Variants in PRKACB observed in about 807,000 individuals in gnomAD.
The protein encoded by PRKACB is cAMP-dependent protein kinase catalytic subunit beta.
A neutral mutation model predicts 51.4 loss-of-function variants in PRKACB; 16 were observed. That is an observed-to-expected ratio of 0.31 (90% confidence interval 0.21 to 0.47). PRKACB has a LOEUF of 0.47. Ranked by LOEUF, PRKACB falls within the 20% of genes least tolerant of loss-of-function variation. The pLI, the probability that PRKACB is intolerant of heterozygous loss-of-function variation, is 1.00. For synonymous variants in PRKACB, 147 were observed against 154.4 expected (o/e 0.95, Z 0.35); for missense variants, 309 against 464.5 (o/e 0.67, Z 3.08).
At chr1:84,198,908 A>G (rs1036090639) in intron 7 of PRKACB, among the ~76,000 whole-genome samples, 11 of 142,288 alleles carry the variant, frequency 7.7e-5, no homozygotes, top group African/African-American at 1.9e-4. Context: ...ATATACACAT[A>G]TGTGTGGTGT....
At chr1:84,105,267 C>T (rs1481512840) in intron 1 of PRKACB, among the ~76,000 whole-genome samples, 1 of 152,156 alleles carries the variant, frequency 6.6e-6, no homozygotes, top group Non-Finnish European at 1.5e-5. Context: ...GGTCACTCCT[C>T]TCTTCTGGAT....
At chr1:84,107,773 A>C (rs1649896834) in intron 1 of PRKACB, among the ~76,000 whole-genome samples, 1 of 152,164 alleles carries the variant, frequency 6.6e-6, no homozygotes, top group Admixed American at 6.6e-5. Context: ...AATGCAAATC[A>C]AAACCACAAG....
At chr1:84,112,223 T>TGC (rs1353440367) in intron 1 of PRKACB, among the ~76,000 whole-genome samples, 14 of 142,738 alleles carry the variant, frequency 9.8e-5, no homozygotes, top group African/African-American at 3.5e-4. Flanking sequence ...GTTGGACTGC[T>TGC]TCTTTTTTTT....
At chr1:84,209,692 A>G (rs528236228) in intron 8 of PRKACB, among the ~76,000 whole-genome samples, 3 of 152,298 alleles carry the variant, frequency 2.0e-5, no homozygotes, top group African/African-American at 7.2e-5. Context: ...CATGAAAAAG[A>G]TAGGATAACA....
chr1:84,195,386 T>C (rs1031126946), intron 5 of PRKACB, among the ~76,000 whole-genome samples: 1 of 152,224 alleles, frequency 6.6e-6, no homozygotes, highest in African/African-American at 2.4e-5. Flanking sequence ...GAATTTGTAT[T>C]TCTCTTGCTA....
At chr1:84,160,466 G>C (rs183395654) in intron 1 of PRKACB, among the ~76,000 whole-genome samples, 1 of 148,914 alleles carries the variant, frequency 6.7e-6, no homozygotes, top group Admixed American at 6.7e-5. Context: ...TTTGATATTT[G>C]GTCAGTCTAG....
chr1:84,112,854 A>G (rs1650345290), intron 1 of PRKACB, among the ~76,000 whole-genome samples: 1 of 152,100 alleles, frequency 6.6e-6, no homozygotes, highest in African/African-American at 2.4e-5. Flanking sequence ...TAATCAAGGA[A>G]CCTAAGACCG....
intron 1 of PRKACB, among the ~76,000 whole-genome samples, chr1:84,100,403 G>A (rs897756092): frequency 6.6e-6 from 1 of 151,978 alleles, no homozygotes; most frequent in Admixed American, 6.6e-5. Context: ...GGATCATCAA[G>A]AATAAAAAGA....
intron 1 of PRKACB, among the ~76,000 whole-genome samples, chr1:84,095,247 G>GGT (rs759424715): frequency 6.6e-5 from 9 of 137,154 alleles, no homozygotes; most frequent in East Asian, 2.2e-4. Flanking sequence ...CATATTTGCT[G>GGT]TTTTTTTTTT....
chr1:84,206,731 T>C (rs987887765), intron 8 of PRKACB, among the ~76,000 whole-genome samples: 2 of 152,212 alleles, frequency 1.3e-5, no homozygotes, highest in Non-Finnish European at 2.9e-5. Flanking sequence ...GAATAAACTA[T>C]GTTGTTTGTA....
At chr1:84,199,085 ATGCG>A (rs1558241499) in intron 7 of PRKACB, among the ~76,000 whole-genome samples, 1 of 142,014 alleles carries the variant, frequency 7.0e-6, no homozygotes, top group African/African-American at 2.6e-5. Flanking sequence ...ATGTATATAT[ATGCG>A]TATATATGCA....
intron 8 of PRKACB, among the ~76,000 whole-genome samples, chr1:84,210,104 G>T (rs1361707310): frequency 6.6e-6 from 1 of 152,092 alleles, no homozygotes; most frequent in Non-Finnish European, 1.5e-5. Flanking sequence ...TATCACAAGT[G>T]ATTCTGATAA....
rs1028742274 is a variant in PRKACB at position 84,202,892 on chromosome 1, T to C, written c.906+87T>C. 3.8e-5 allele frequency: 44 copies of C among 1,145,126 alleles called. No individual in the cohort carries two copies. The African/African-American group carries it at 6.5e-4, about 17-fold the overall frequency. The allele number at this position is 1,145,126 out of a possible 1,614,324, so 70.9% of individuals were successfully genotyped here. A position where few individuals can be genotyped will look rare whatever the true frequency, so the allele number is the denominator to read the frequency against. On this transcript the variant is annotated intron_variant, in intron 8 of 9. Coordinates refer to ENST00000370685, the MANE Select transcript of PRKACB (RefSeq NM_182948.4). The stretch of plus-strand genomic sequence containing the variant: ...TTGAAACTATATTGTGTCATAATTA[T>C]TATTCTACATTGGGAAAAATATAGA...
intron 1 of PRKACB, among the ~76,000 whole-genome samples, chr1:84,156,151 G>C (rs1445194364): frequency 1.3e-5 from 2 of 152,008 alleles, no homozygotes; most frequent in Non-Finnish European, 1.5e-5. Context: ...ACTGTGCCAG[G>C]CTAATTTTTT....
At chr1:84,158,917 G>A (rs1466733760) in intron 1 of PRKACB, among the ~76,000 whole-genome samples, 1 of 151,752 alleles carries the variant, frequency 6.6e-6, no homozygotes, top group Non-Finnish European at 1.5e-5. Flanking sequence ...AATTATCTTG[G>A]CATCTTTCTC....
chr1:84,225,774 T>TG (rs1402402710), intron 9 of PRKACB, among the ~76,000 whole-genome samples: 1 of 152,176 alleles, frequency 6.6e-6, no homozygotes, highest in Non-Finnish European at 1.5e-5. Context: ...TGTGGACCAC[T>TG]GGGGATCTCT....
At chr1:84,171,847 T>C (rs1436865065) in intron 1 of PRKACB, among the ~76,000 whole-genome samples, 1 of 151,544 alleles carries the variant, frequency 6.6e-6, no homozygotes, top group East Asian at 1.9e-4. Context: ...AAAAAATCAA[T>C]ATATAAACAT....
At chr1:84,156,833 GA>G (rs1160175621) in intron 1 of PRKACB, among the ~76,000 whole-genome samples, 1 of 152,034 alleles carries the variant, frequency 6.6e-6, no homozygotes, top group Non-Finnish European at 1.5e-5. Flanking sequence ...TCTCTCAGGA[GA>G]AAAAATGGGT....
intron 1 of PRKACB, among the ~76,000 whole-genome samples, chr1:84,086,419 C>G (rs1317298869): frequency 6.6e-6 from 1 of 152,098 alleles, no homozygotes; most frequent in Admixed American, 6.5e-5. Flanking sequence ...TGCCTTCTTC[C>G]CTCCCACATG....
Sources: allele counts gnomAD v4.1 joint callset (sites outside exome capture counted in the v4.1 genomes callset), GRCh38; gene constraint gnomAD v4.1.1; transcripts MANE v1.5; gene names NCBI Gene and HGNC (gene_info 2026-07-23, HGNC 2026-07-21).